The following ZC3H12B variants were observed in gnomAD, a reference collection of about 807,000 sequenced individuals.
ZC3H12B encodes probable ribonuclease ZC3H12B.
Under a neutral mutation model 43.9 loss-of-function variants are expected in ZC3H12B, and 7 were observed. That is an observed-to-expected ratio of 0.16 (90% confidence interval 0.09 to 0.30). The LOEUF is 0.30. Among genes scored for constraint, ZC3H12B ranks in the 10% least tolerant of loss-of-function variants. The pLI is 1.00. For missense variants in ZC3H12B, 475 were observed against 670.2 expected (o/e 0.71, Z 3.22); for synonymous variants, 222 against 241.7 (o/e 0.92, Z 0.76).
intron 1 of ZC3H12B, among the ~76,000 whole-genome samples, chrX:65,491,813 T>C (rs2068208364): frequency 9.2e-6 from 1 of 109,069 alleles, no homozygotes; most frequent in Admixed American, 1.0e-4. Context: ...ATCATCATAA[T>C]TATAAGGTAC....
chrX:65,215,558 G>T, the ZC3H12B span, among the ~76,000 whole-genome samples: 1 of 110,706 alleles, frequency 9.0e-6, no homozygotes, highest in Non-Finnish European at 1.9e-5. Flanking sequence ...CCCTGTATTG[G>T]GTTTTGGCTT....
At chrX:65,138,419 T>G in the ZC3H12B span, among the ~76,000 whole-genome samples, 1 of 111,859 alleles carries the variant, frequency 8.9e-6, no homozygotes, top group Non-Finnish European at 1.9e-5. Context: ...ATTTTCTACT[T>G]TTAAAAGGCT....
At chrX:65,203,480 G>A in the ZC3H12B span, among the ~76,000 whole-genome samples, 3 of 110,448 alleles carry the variant, frequency 2.7e-5, no homozygotes, top group African/African-American at 9.9e-5. Context: ...TTTTCTTCAA[G>A]GTGGCACATT....
At chrX:65,334,415 C>G in the ZC3H12B span, among the ~76,000 whole-genome samples, 3 of 112,172 alleles carry the variant, frequency 2.7e-5, no homozygotes, top group Non-Finnish European at 5.6e-5. Context: ...AATCTACATT[C>G]CCATACCTTC....
the ZC3H12B span, among the ~76,000 whole-genome samples, chrX:65,205,621 C>A: frequency 7.2e-5 from 8 of 111,497 alleles, no homozygotes; most frequent in African/African-American, 2.3e-4. Context: ...TGGAACAAGA[C>A]AAGGATGCCT....
chrX:65,459,725 T>C (rs2067703734), intron 3 of ZC3H12B, among the ~76,000 whole-genome samples: 1 of 111,553 alleles, frequency 9.0e-6, no homozygotes, highest in East Asian at 2.8e-4. Context: ...ATAAGAGCTA[T>C]TTATGACAAC....
chrX:65,192,472 A>T, the ZC3H12B span, among the ~76,000 whole-genome samples: 3 of 111,520 alleles, frequency 2.7e-5, no homozygotes, highest in African/African-American at 9.8e-5. Flanking sequence ...TCAGTATGAT[A>T]GTAGCTGTGG....
intron 3 of ZC3H12B, among the ~76,000 whole-genome samples, chrX:65,437,007 C>T (rs957948873): frequency 1.8e-5 from 2 of 110,240 alleles, no homozygotes; most frequent in East Asian, 5.6e-4. Flanking sequence ...GGCTGTAGTA[C>T]AGTGGTGGGA....
chrX:65,089,845 A>G, the ZC3H12B span, among the ~76,000 whole-genome samples: 2 of 111,470 alleles, frequency 1.8e-5, no homozygotes, highest in Non-Finnish European at 3.8e-5. Context: ...CAGGATCAAG[A>G]TAATCAGTTT....
the ZC3H12B span, among the ~76,000 whole-genome samples, chrX:65,118,927 C>G: frequency 1.6e-4 from 17 of 108,225 alleles, no homozygotes; most frequent in African/African-American, 3.4e-4. Flanking sequence ...GCGATAGTTT[C>G]CTCAGAATGA....
the ZC3H12B span, among the ~76,000 whole-genome samples, chrX:65,170,897 G>A: frequency 3.7e-4 from 41 of 111,784 alleles, no homozygotes; most frequent in South Asian, 2.6e-3. Flanking sequence ...GGTCATTTAA[G>A]TTCTTCTCTA....
At chrX:65,035,033 C>A in the ZC3H12B span, among the ~76,000 whole-genome samples, 12 of 112,534 alleles carry the variant, frequency 1.1e-4, no homozygotes, top group East Asian at 2.0e-3. Flanking sequence ...CGCCTTCCCC[C>A]CATCGCCTCC....
At chrX:65,277,148 C>T in the ZC3H12B span, among the ~76,000 whole-genome samples, 3 of 111,153 alleles carry the variant, frequency 2.7e-5, no homozygotes, top group East Asian at 2.8e-4. Context: ...ATAAAGAGAT[C>T]GATTAAGAAA....
the ZC3H12B span, among the ~76,000 whole-genome samples, chrX:65,251,162 C>A: frequency 2.7e-5 from 3 of 111,643 alleles, no homozygotes; most frequent in Non-Finnish European, 5.6e-5. Context: ...ATATGGCTAG[C>A]CAGTTTTCCC....
upstream of ZC3H12B, among the ~76,000 whole-genome samples, chrX:65,487,687 G>T (rs2068143454): frequency 8.9e-6 from 1 of 112,062 alleles, no homozygotes. Context: ...TTTAAAAAGT[G>T]GCTTCAGACA....
In ZC3H12B at chrX:65,465,413, A is replaced by T. The variant is rs1372963155; in HGVS notation, n.408-23233A>T. Among the ~76,000 whole-genome samples the T allele has an allele frequency of 1.1e-4, 12 of 111,257 alleles. No individual in the cohort carries two copies. The East Asian group carries it at 3.1e-3, about 28-fold the overall frequency. ...AGTGTATTTTATTTGATACTAGTAT[A>T]GCCATTCCAGCTCTTTTTTTGCTAC... On this transcript the variant is annotated intron_variant and non_coding_transcript_variant, in intron 3 of 5. Coordinates refer to the ZC3H12B transcript ENST00000617377.
chrX:65,246,311 A>G, the ZC3H12B span, among the ~76,000 whole-genome samples: 171 of 112,403 alleles, frequency 1.5e-3, no homozygotes, highest in Non-Finnish European at 2.8e-3. Flanking sequence ...GGAATAATCA[A>G]TATTATTAAA....
At chrX:65,386,071 A>G (rs1459326878) in intron 2 of ZC3H12B, among the ~76,000 whole-genome samples, 1 of 112,141 alleles carries the variant, frequency 8.9e-6, no homozygotes, top group Non-Finnish European at 1.9e-5. Flanking sequence ...AGATTTGTGC[A>G]TTGATATTCA....
the ZC3H12B span, among the ~76,000 whole-genome samples, chrX:65,183,402 G>T: frequency 9.0e-6 from 1 of 110,817 alleles, no homozygotes; most frequent in African/African-American, 3.3e-5. Flanking sequence ...CAGACACTGG[G>T]GTCTATTTGA....
Sources: gnomAD v4.1 joint callset for allele counts (sites outside exome capture counted in the v4.1 genomes callset) on GRCh38, gnomAD v4.1.1 for gene constraint, MANE v1.5 for transcripts, NCBI Gene and HGNC (gene_info 2026-07-23, HGNC 2026-07-21) for gene names.